The following SORCS3 variants were observed in gnomAD, a reference collection of about 807,000 sequenced individuals.
SORCS3 encodes VPS10 domain-containing receptor SorCS3.
In SORCS3, 57 loss-of-function variants were observed where a neutral mutation model predicts 146.3. That is an observed-to-expected ratio of 0.39 (90% CI 0.31 to 0.49). The LOEUF is 0.49. SORCS3 is among the 20% of genes least tolerant of loss of function. SORCS3 has a pLI of 0.92. For missense variants in SORCS3, 1,341 were observed against 1,575.5 expected (o/e 0.85, Z 2.52); for synonymous variants, 653 against 618.5 (o/e 1.06, Z -0.83).
At position 104,888,870 on chromosome 10, in the gene SORCS3, T is replaced by C. The variant is rs574297706; in HGVS notation, c.696-26963T>C. Among the ~76,000 whole-genome samples the C allele has an allele frequency of 3.3e-3, 507 of 152,300 alleles. 2 individuals carry two copies. Among genetic ancestry groups the C allele is most frequent in the South Asian group, 0.018 (88 of 4,826 alleles). ...GTTGGCTGGAAGACATTTGGGGGCC[T>C]CGAGGGCAACAGCCATTTACAAAAT... On this transcript the variant is annotated intron_variant, in intron 2 of 26. Coordinates refer to ENST00000369701, the MANE Select transcript of SORCS3 (RefSeq NM_014978.3).
chr10:105,149,746 A>G (rs2056155441), intron 9 of SORCS3, among the ~76,000 whole-genome samples: 1 of 152,130 alleles, frequency 6.6e-6, no homozygotes, highest in East Asian at 1.9e-4. Context: ...CTCTTGGTAC[A>G]GTGGGTGAGT....
intron 2 of SORCS3, among the ~76,000 whole-genome samples, chr10:104,906,203 G>A (rs2018903696): frequency 6.6e-6 from 1 of 152,226 alleles, no homozygotes; most frequent in Admixed American, 6.5e-5. Flanking sequence ...GCACCTGCTA[G>A]TGTAGGCCTC....
At chr10:105,156,457 T>A (rs1589660128) in intron 9 of SORCS3, among the ~76,000 whole-genome samples, 1 of 152,280 alleles carries the variant, frequency 6.6e-6, no homozygotes, top group East Asian at 1.9e-4. Context: ...CGTCAAAATA[T>A]CAAAGGCGTG....
At chr10:105,072,820 A>T (rs781387233) in intron 5 of SORCS3, among the ~76,000 whole-genome samples, 6 of 152,188 alleles carry the variant, frequency 3.9e-5, no homozygotes, top group Admixed American at 3.9e-4. Context: ...ATACATGACA[A>T]TAATTGGGAT....
intron 1 of SORCS3, among the ~76,000 whole-genome samples, chr10:104,690,964 A>G (rs2016104399): frequency 6.6e-6 from 1 of 152,246 alleles, no homozygotes; most frequent in African/African-American, 2.4e-5. Context: ...ACTCTTCTGC[A>G]GCTTGGCTTA....
At chr10:104,981,826 G>A (rs559889654) in intron 4 of SORCS3, among the ~76,000 whole-genome samples, 1 of 152,260 alleles carries the variant, frequency 6.6e-6, no homozygotes, top group African/African-American at 2.4e-5. Context: ...GTGAGAGGTA[G>A]GATTGCAAAG....
At chr10:105,176,963 A>G (rs902044488) in intron 13 of SORCS3, among the ~76,000 whole-genome samples, 2 of 149,030 alleles carry the variant, frequency 1.3e-5, no homozygotes, top group African/African-American at 2.4e-5. Flanking sequence ...ATTAGGATTT[A>G]TGTGTGTGTG....
chr10:105,074,073 A>G (rs368396795), intron 5 of SORCS3, among the ~76,000 whole-genome samples: 1 of 152,220 alleles, frequency 6.6e-6, no homozygotes, highest in East Asian at 1.9e-4. Context: ...TGGGAAATAC[A>G]TACTTTATAG....
chr10:104,832,430 AGGTGTGACCG>A (rs1253457985), intron 1 of SORCS3, among the ~76,000 whole-genome samples: 11 of 152,194 alleles, frequency 7.2e-5, no homozygotes, highest in Non-Finnish European at 1.3e-4. Flanking sequence ...TCAATAGAAC[AGGTGTGACCG>A]GGCACAGTGG....
chr10:104,884,412 T>C (rs1329156143), intron 2 of SORCS3, among the ~76,000 whole-genome samples: 1 of 152,160 alleles, frequency 6.6e-6, no homozygotes, highest in African/African-American at 2.4e-5. Flanking sequence ...TAAAAATTCA[T>C]ATGTTATGTC....
intron 3 of SORCS3, among the ~76,000 whole-genome samples, chr10:104,961,888 G>A (rs1476312196): frequency 6.6e-6 from 1 of 152,078 alleles, no homozygotes; most frequent in Admixed American, 6.6e-5. Flanking sequence ...TATTGAGCAC[G>A]TTCTTCAGGC....
intron 1 of SORCS3, among the ~76,000 whole-genome samples, chr10:104,656,661 T>TA (rs575487640): frequency 1.9e-4 from 28 of 146,542 alleles, no homozygotes; most frequent in South Asian, 6.5e-4. Context: ...GAGACCTTGT[T>TA]AAAAAAAAAC....
chr10:105,176,356 C>A (rs916644021), intron 13 of SORCS3, among the ~76,000 whole-genome samples: 5 of 150,222 alleles, frequency 3.3e-5, no homozygotes, highest in African/African-American at 9.8e-5. Context: ...CCAGCCTGGG[C>A]AATAAAGCAA....
chr10:105,092,731 T>C (rs979944306), intron 6 of SORCS3, among the ~76,000 whole-genome samples: 6 of 151,996 alleles, frequency 3.9e-5, no homozygotes, highest in Non-Finnish European at 7.4e-5. Flanking sequence ...TTTGCCCAGA[T>C]TCACATAGCT....
At chr10:104,985,817 T>TAGTAGGTCTCAACAGTGGG (rs2054958932) in intron 4 of SORCS3, among the ~76,000 whole-genome samples, 1 of 152,134 alleles carries the variant, frequency 6.6e-6, no homozygotes, top group African/African-American at 2.4e-5. Flanking sequence ...AATCTTTTTT[T>TAGTAGGTCTCAACAGTGGG]CTTAGTAGTA....
chr10:104,845,681 G>C (rs1365291311), intron 2 of SORCS3, among the ~76,000 whole-genome samples: 2 of 152,186 alleles, frequency 1.3e-5, no homozygotes, highest in African/African-American at 4.8e-5. Flanking sequence ...TTGGGGGTTA[G>C]GGAGGGGAGA....
At chr10:105,170,038 A>G (rs574026916) in intron 13 of SORCS3, among the ~76,000 whole-genome samples, 1 of 152,276 alleles carries the variant, frequency 6.6e-6, no homozygotes, top group African/African-American at 2.4e-5. Flanking sequence ...AGCATTCTGC[A>G]GAAGTTTCCT....
At chr10:105,262,839 A>G (rs931246605) in intron 26 of SORCS3, among the ~76,000 whole-genome samples, 4 of 152,164 alleles carry the variant, frequency 2.6e-5, no homozygotes, top group African/African-American at 9.7e-5. Context: ...ATAGCCCTGG[A>G]TCCATTTTTC....
intron 4 of SORCS3, among the ~76,000 whole-genome samples, chr10:105,018,371 G>A (rs2055180246): frequency 6.6e-6 from 1 of 152,168 alleles, no homozygotes; most frequent in African/African-American, 2.4e-5. Context: ...TAAACTAATG[G>A]CCAAGGCCAC....
Sources: gnomAD v4.1 joint callset for allele counts (sites outside exome capture counted in the v4.1 genomes callset) on GRCh38, gnomAD v4.1.1 for gene constraint, MANE v1.5 for transcripts, NCBI Gene and HGNC (gene_info 2026-07-23, HGNC 2026-07-21) for gene names.